CAMTA1: variants seen among roughly 807,000 people sequenced by gnomAD.
CAMTA1 encodes the protein calmodulin binding transcription activator 1, also known as calmodulin-binding transcription activator 1.
A neutral mutation model predicts 170.9 loss-of-function variants in CAMTA1; 27 were observed. The ratio of observed to expected loss-of-function variants is 0.16; its 90% CI spans 0.12 to 0.22. CAMTA1 has a LOEUF of 0.22. Among genes scored for constraint, CAMTA1 ranks in the 10% least tolerant of loss-of-function variants. The pLI, the probability that CAMTA1 is intolerant of heterozygous loss-of-function variation, is 1.00. For synonymous variants in CAMTA1, 833 were observed against 891.5 expected (o/e 0.93, Z 1.17); for missense variants, 1,619 against 2,217.2 (o/e 0.73, Z 5.42).
chr1:7,090,785 C>T (rs949658008), intron 3 of CAMTA1, among the ~76,000 whole-genome samples: 8 of 152,122 alleles, frequency 5.3e-5, no homozygotes, highest in East Asian at 3.9e-4. Flanking sequence ...TATTTCTCCC[C>T]GTTTCCTCTC....
intron 6 of CAMTA1, among the ~76,000 whole-genome samples, chr1:7,559,542 T>C (rs1403976761): frequency 6.6e-6 from 1 of 152,198 alleles, no homozygotes; most frequent in Non-Finnish European, 1.5e-5. Context: ...GCCGACTTGG[T>C]GTTTTCACGC....
At chr1:7,506,838 C>T (rs1027626016) in intron 6 of CAMTA1, among the ~76,000 whole-genome samples, 17 of 151,464 alleles carry the variant, frequency 1.1e-4, no homozygotes, top group Non-Finnish European at 1.5e-4. Context: ...CCCATGCTTA[C>T]ACTCAAAAAT....
chr1:6,798,202 G>T (rs993270284), intron 1 of CAMTA1, among the ~76,000 whole-genome samples: 1 of 151,826 alleles, frequency 6.6e-6, no homozygotes, highest in African/African-American at 2.4e-5. Context: ...TGGCCAGGCT[G>T]GTCTTGAACT....
intron 3 of CAMTA1, among the ~76,000 whole-genome samples, chr1:6,983,883 G>C (rs1694854374): frequency 7.2e-6 from 1 of 138,292 alleles, no homozygotes; most frequent in Non-Finnish European, 1.6e-5. Flanking sequence ...TAGAGGCTTG[G>C]ATAGATGAAT....
chr1:6,910,975 C>G (rs943035427), intron 3 of CAMTA1, among the ~76,000 whole-genome samples: 2 of 152,154 alleles, frequency 1.3e-5, no homozygotes, highest in Non-Finnish European at 2.9e-5. Context: ...CCCCATTGCT[C>G]GCGTCCAGGA....
chr1:7,509,941 G>C (rs992427529), intron 6 of CAMTA1, among the ~76,000 whole-genome samples: 3 of 151,596 alleles, frequency 2.0e-5, no homozygotes, highest in Non-Finnish European at 4.4e-5. Flanking sequence ...AGGGGGAAAA[G>C]CTACCCTGAC....
intron 11 of CAMTA1, among the ~76,000 whole-genome samples, chr1:7,686,066 C>T (rs1452922910): frequency 4.6e-5 from 7 of 152,202 alleles, no homozygotes; most frequent in Non-Finnish European, 7.3e-5. Flanking sequence ...ACGTCCTAAC[C>T]AGTCTTCCCA....
At chr1:6,993,340 GGTA>G (rs1347672849) in intron 3 of CAMTA1, among the ~76,000 whole-genome samples, 1 of 152,044 alleles carries the variant, frequency 6.6e-6, no homozygotes, top group African/African-American at 2.4e-5. Context: ...CCATAAAGGT[GGTA>G]TATCTCTTAT....
intron 6 of CAMTA1, among the ~76,000 whole-genome samples, chr1:7,481,125 G>A (rs1255993257): frequency 9.2e-5 from 14 of 152,004 alleles, no homozygotes. Flanking sequence ...CTAAGCCACG[G>A]CTCCCTCCTA....
chr1:7,509,403 G>A (rs1168243236), intron 6 of CAMTA1, among the ~76,000 whole-genome samples: 2 of 152,166 alleles, frequency 1.3e-5, no homozygotes, highest in East Asian at 3.9e-4. Flanking sequence ...ATTCAGAACA[G>A]AGAGAAAACA....
At position 7,562,957 on chromosome 1, in the gene CAMTA1, A is replaced by G. The variant is rs544407289; in HGVS notation, c.511-77443A>G. ...CACCCCAGCTGGTCCTTGAATCTGGATTTGGTTGGGGGCTGTGAGGCCCAT... is the reference window on the plus strand; with the variant it reads ...CACCCCAGCTGGTCCTTGAATCTGGGTTTGGTTGGGGGCTGTGAGGCCCAT... On this transcript the variant is annotated intron_variant, in intron 6 of 22. Transcript: ENST00000303635. This position sits in a 1 kb window ranked among gnomAD's most constrained non-coding sequence, Gnocchi z 4.8. Among the ~76,000 whole-genome samples, 3 of 152,038 alleles carry G rather than the reference A, an allele frequency of 2.0e-5. No individual in the cohort carries two copies. The highest frequency in any genetic ancestry group is 2.9e-5 in the Non-Finnish European group (2 of 67,998).
intron 6 of CAMTA1, among the ~76,000 whole-genome samples, chr1:7,540,033 G>A (rs1575889839): frequency 6.6e-6 from 1 of 152,150 alleles, no homozygotes; most frequent in African/African-American, 2.4e-5. Flanking sequence ...GACGTTAGTC[G>A]TGCCCTGCCC....
At chr1:7,478,643 T>C (rs1485876226) in intron 6 of CAMTA1, among the ~76,000 whole-genome samples, 1 of 152,252 alleles carries the variant, frequency 6.6e-6, no homozygotes, top group Non-Finnish European at 1.5e-5. Context: ...CAGCGTGTGC[T>C]GTCAGCTTGG....
intron 5 of CAMTA1, among the ~76,000 whole-genome samples, chr1:7,410,776 A>T (rs1317211117): frequency 6.6e-6 from 1 of 152,172 alleles, no homozygotes; most frequent in African/African-American, 2.4e-5. Context: ...TGCCTTCAAA[A>T]TGCAGATGCT....
intron 6 of CAMTA1, among the ~76,000 whole-genome samples, chr1:7,595,163 G>A (rs1475227380): frequency 2.0e-5 from 3 of 152,080 alleles, no homozygotes; most frequent in South Asian, 2.1e-4. Flanking sequence ...AAAGGGGTGC[G>A]GTGCGCACTT....
intron 22 of CAMTA1, among the ~76,000 whole-genome samples, chr1:7,756,853 A>G (rs1254075802): frequency 1.3e-5 from 2 of 151,906 alleles, no homozygotes; most frequent in Non-Finnish European, 2.9e-5. Flanking sequence ...GTCTCAAACA[A>G]AACAAAACAA....
intron 3 of CAMTA1, among the ~76,000 whole-genome samples, chr1:7,072,353 A>T (rs1638761992): frequency 6.6e-6 from 1 of 152,154 alleles, no homozygotes; most frequent in Non-Finnish European, 1.5e-5. Context: ...CTCCGGAGGC[A>T]CGCATCCCAA....
intron 4 of CAMTA1, among the ~76,000 whole-genome samples, chr1:7,240,895 A>G (rs568437417): frequency 6.6e-6 from 1 of 152,330 alleles, no homozygotes; most frequent in African/African-American, 2.4e-5. Context: ...TAAAATCAGG[A>G]ACAGGGCAAA....
chr1:7,574,748 A>G (rs2095170134), intron 6 of CAMTA1, among the ~76,000 whole-genome samples: 1 of 152,158 alleles, frequency 6.6e-6, no homozygotes, highest in African/African-American at 2.4e-5. Context: ...TTCAGGGGTC[A>G]GGTAGAGAGA....
Sources: gnomAD v4.1 joint callset for allele counts (sites outside exome capture counted in the v4.1 genomes callset) on GRCh38, gnomAD v4.1.1 for gene constraint, Gnocchi (gnomAD v3.1) non-coding constraint, MANE v1.5 for transcripts, NCBI Gene and HGNC (gene_info 2026-07-23, HGNC 2026-07-21) for gene names.